Variants in ITGA9 observed in about 807,000 individuals in gnomAD.
The protein encoded by ITGA9 is integrin alpha-9.
A neutral mutation model predicts 127.8 loss-of-function variants in ITGA9; 56 were observed. That is an observed-to-expected ratio of 0.44 (90% CI 0.35 to 0.55). ITGA9 has a LOEUF of 0.55. Ranked by LOEUF, ITGA9 falls within the 20% of genes least tolerant of loss-of-function variation. ITGA9 has a pLI of 0.00. For synonymous variants in ITGA9, 508 were observed against 514.5 expected, an observed-to-expected ratio of 0.99 and a Z score of 0.17; for missense variants, 1,196 against 1,347.1, an observed-to-expected ratio of 0.89 and a Z score of 1.76.
At chr3:37,595,053 T>A (rs1699856059) in intron 15 of ITGA9, among the ~76,000 whole-genome samples, 1 of 152,202 alleles carries the variant, frequency 6.6e-6, no homozygotes, top group Non-Finnish European at 1.5e-5. Context: ...AATTTCCCAG[T>A]TACTTCTCCT....
At chr3:37,483,540 C>T (rs1698578291) in intron 4 of ITGA9, among the ~76,000 whole-genome samples, 1 of 152,216 alleles carries the variant, frequency 6.6e-6, no homozygotes, top group Non-Finnish European at 1.5e-5. Context: ...AGATGTACTC[C>T]TCAGCACGTT....
rs1332174775 is a variant in ITGA9, at chr3:37,519,362, G to T, written c.1236+8G>T. On this transcript the variant is annotated splice_region_variant and intron_variant, in intron 11 of 27. Transcript: ENST00000264741. ...GTCCCTCAGTACTCAATGGTAATTA[G>T]TGTGAGAGTGATATGGCAACTGTTC... 3 of 1,597,884 alleles carry T rather than the reference G, an allele frequency of 1.9e-6. No individual in the cohort carries two copies. The highest frequency in any genetic ancestry group is 2.7e-5 in the African/African-American group (2 of 74,656).
At chr3:37,556,754 G>T (rs1405193237) in intron 15 of ITGA9, among the ~76,000 whole-genome samples, 7 of 152,214 alleles carry the variant, frequency 4.6e-5, no homozygotes, top group African/African-American at 1.7e-4. Context: ...CCACCAGCTG[G>T]CAGTTGATGC....
chr3:37,478,373 G>C (rs1169452610), intron 3 of ITGA9, among the ~76,000 whole-genome samples: 1 of 149,830 alleles, frequency 6.7e-6, no homozygotes, highest in African/African-American at 2.4e-5. Flanking sequence ...CCACCTCTAG[G>C]AGGGATGTGT....
intron 17 of ITGA9, among the ~76,000 whole-genome samples, chr3:37,677,238 G>T (rs73824869): frequency 0.058 from 8,807 of 152,132 alleles, 787 homozygotes; most frequent in African/African-American, 0.19. Flanking sequence ...AATTTATTTG[G>T]TATTTTTTGC....
intron 9 of ITGA9, among the ~76,000 whole-genome samples, chr3:37,514,180 G>T (rs1389609692): frequency 2.0e-5 from 3 of 152,176 alleles, no homozygotes; most frequent in Non-Finnish European, 2.9e-5. Flanking sequence ...TTCTGCGAGA[G>T]ATTTCTATGC....
At position 37,452,644 on chromosome 3, in the gene ITGA9, C is replaced by G. The variant is rs1698207740; in HGVS notation, c.185+85C>G. The G allele has an allele frequency of 2.5e-6, 3 of 1,204,224 alleles. No homozygotes were observed. The highest frequency in any genetic ancestry group is 3.3e-5 in the East Asian group (1 of 30,232). The allele number at this position is 1,204,224 out of a possible 1,614,324, so 74.6% of individuals were successfully genotyped here. Reference sequence around the variant, plus strand: ...CCAGCGCCGCCGCCGCCTTTCCGGTCTCTTCCACGCCGCCGTCCCGAGGGG... The same window carrying G: ...CCAGCGCCGCCGCCGCCTTTCCGGTGTCTTCCACGCCGCCGTCCCGAGGGG... On this transcript the variant is annotated intron_variant, in intron 1 of 27. Coordinates refer to ENST00000264741, the MANE Select transcript of ITGA9 (RefSeq NM_002207.3). This position sits in a 1 kb window ranked among gnomAD's most constrained non-coding sequence, Gnocchi z 7.3.
intron 15 of ITGA9, among the ~76,000 whole-genome samples, chr3:37,557,902 C>G (rs1699446563): frequency 6.6e-6 from 1 of 152,180 alleles, no homozygotes; most frequent in African/African-American, 2.4e-5. Context: ...GCAGCCAAGT[C>G]TTGGGTTTGA....
chr3:37,804,715 A>C (rs1229397696), intron 27 of ITGA9, among the ~76,000 whole-genome samples: 2 of 152,222 alleles, frequency 1.3e-5, no homozygotes, highest in Non-Finnish European at 2.9e-5. Flanking sequence ...ACTTCTCTAG[A>C]ATTACAAATT....
At chr3:37,802,559 T>G (rs1697248523) in intron 26 of ITGA9, among the ~76,000 whole-genome samples, 1 of 152,196 alleles carries the variant, frequency 6.6e-6, no homozygotes, top group Non-Finnish European at 1.5e-5. Context: ...TTTTGTCTTT[T>G]GCAGTGAGGA....
chr3:37,467,816 A>G (rs1698387427), intron 1 of ITGA9, among the ~76,000 whole-genome samples: 1 of 152,146 alleles, frequency 6.6e-6, no homozygotes, highest in Non-Finnish European at 1.5e-5. Context: ...ACCTGTGGAA[A>G]GGCTGAGGAT....
chr3:37,717,347 G>A (rs1701145820), intron 18 of ITGA9, among the ~76,000 whole-genome samples: 1 of 152,186 alleles, frequency 6.6e-6, no homozygotes, highest in South Asian at 2.1e-4. Context: ...TTTATGAATG[G>A]TGTTTTTTGT....
intron 5 of ITGA9, among the ~76,000 whole-genome samples, chr3:37,501,882 T>A (rs1698790255): frequency 6.6e-6 from 1 of 152,204 alleles, no homozygotes; most frequent in African/African-American, 2.4e-5. Context: ...AAGAGCCTAA[T>A]GTGGTTGAAA....
At position 37,721,532 on chromosome 3, in the gene ITGA9, G is replaced by A. The variant is rs139195917; in HGVS notation, c.2068-11180G>A. 7.5e-3 allele frequency among the ~76,000 whole-genome samples: 1,137 copies of A among 152,238 alleles called. 10 individuals carry two copies. The highest frequency in any genetic ancestry group is 0.011 in the Non-Finnish European group (744 of 67,996). ...TTGCTTGTTTCACTTTTTTAAGCTT[G>A]GAAAGAACAAACTTAGAATAGTGTA... On this transcript the variant is annotated intron_variant, in intron 18 of 27. Coordinates refer to ENST00000264741, the MANE Select transcript of ITGA9 (RefSeq NM_002207.3).
chr3:37,596,030 A>C (rs775065007), intron 15 of ITGA9, among the ~76,000 whole-genome samples: 1 of 152,230 alleles, frequency 6.6e-6, no homozygotes, highest in East Asian at 1.9e-4. Flanking sequence ...GAATACAGTG[A>C]TGAGGAAAAG....
intron 18 of ITGA9, among the ~76,000 whole-genome samples, chr3:37,727,838 C>G (rs929899775): frequency 6.6e-6 from 1 of 152,038 alleles, no homozygotes; most frequent in Admixed American, 6.6e-5. Context: ...AAGTAGTATC[C>G]AGGAGAATTT....
chr3:37,605,063 T>C (rs1466900873), intron 15 of ITGA9, among the ~76,000 whole-genome samples: 2 of 152,172 alleles, frequency 1.3e-5, no homozygotes, highest in Non-Finnish European at 2.9e-5. Context: ...GGGTTGATTG[T>C]TACGAGTGCT....
chr3:37,738,019 T>C (rs1696385383), intron 20 of ITGA9, among the ~76,000 whole-genome samples: 1 of 152,238 alleles, frequency 6.6e-6, no homozygotes, highest in Non-Finnish European at 1.5e-5. Context: ...ATTCAGGAAA[T>C]TGAACATTGA....
intron 25 of ITGA9, among the ~76,000 whole-genome samples, chr3:37,781,950 G>A (rs1696980015): frequency 6.6e-6 from 1 of 152,106 alleles, no homozygotes; most frequent in African/African-American, 2.4e-5. Flanking sequence ...AACTGGTTTG[G>A]GGCAAGTTGG....
Sources: allele counts gnomAD v4.1 joint callset (sites outside exome capture counted in the v4.1 genomes callset), GRCh38; gene constraint gnomAD v4.1.1; non-coding constraint Gnocchi (gnomAD v3.1); transcripts MANE v1.5; gene names NCBI Gene and HGNC (gene_info 2026-07-23, HGNC 2026-07-21).